Variants in ABCC4 observed in about 807,000 individuals in gnomAD.
ABCC4 encodes ATP binding cassette subfamily C member 4 (PEL blood group).
A neutral mutation model predicts 168.5 loss-of-function variants in ABCC4; 102 were observed. The observed-to-expected ratio is 0.61, with a 90% CI of 0.52 to 0.71. ABCC4 has a LOEUF of 0.71. ABCC4 is among the 30% of genes least tolerant of loss of function. ABCC4 has a pLI of 0.00. For missense variants in ABCC4, 1,402 were observed against 1,605.8 expected (o/e 0.87, Z 2.17); for synonymous variants, 617 against 590.7 (o/e 1.04, Z -0.65).
In ABCC4 at chr13:95,047,403, T is replaced by G. The variant is rs946529839; in HGVS notation, c.3457-2965A>C. On this transcript the variant is annotated intron_variant, in intron 27 of 30. Transcript: ENST00000645237. The stretch of plus-strand genomic sequence containing the variant: ...ATTTACAATAGTGCTTGGTACCAAG[T>G]AAGAGATCAATAGATAATATCTATT... Among the ~76,000 whole-genome samples, 3 of 150,840 alleles carry G rather than the reference T, an allele frequency of 2.0e-5. No individual in the cohort carries two copies. The East Asian group carries it at 5.8e-4, about 29-fold the overall frequency.
At chr13:95,276,946 G>A (rs2040986870) in intron 1 of ABCC4, among the ~76,000 whole-genome samples, 1 of 152,130 alleles carries the variant, frequency 6.6e-6, no homozygotes, top group African/African-American at 2.4e-5. Flanking sequence ...TTGAATCCGG[G>A]AGGCAAAAGT....
intron 11 of ABCC4, among the ~76,000 whole-genome samples, chr13:95,184,818 T>C (rs1004197549): frequency 1.8e-4 from 27 of 152,180 alleles, no homozygotes; most frequent in Non-Finnish European, 3.8e-4. Flanking sequence ...CGGGGCCTGG[T>C]CCATCAGCAG....
chr13:95,155,644 T>G (rs1228565914), intron 19 of ABCC4, among the ~76,000 whole-genome samples: 1 of 152,094 alleles, frequency 6.6e-6, no homozygotes, highest in Non-Finnish European at 1.5e-5. Context: ...TACACACACA[T>G]ACTCCCCACG....
intron 1 of ABCC4, among the ~76,000 whole-genome samples, chr13:95,263,119 T>A (rs954721714): frequency 5.9e-5 from 9 of 152,100 alleles, no homozygotes; most frequent in Non-Finnish European, 1.5e-5. Context: ...TAATGTGCCC[T>A]ACAGAAAAAA....
chr13:95,152,743 A>T (rs2036730803), intron 19 of ABCC4, among the ~76,000 whole-genome samples: 1 of 152,198 alleles, frequency 6.6e-6, no homozygotes. Context: ...AGGGGGAAGG[A>T]ATAAAATAAT....
At chr13:95,133,266 A>G (rs902124892) in intron 19 of ABCC4, among the ~76,000 whole-genome samples, 1 of 151,572 alleles carries the variant, frequency 6.6e-6, no homozygotes, top group African/African-American at 2.4e-5. Context: ...GGCGTGCACC[A>G]CCACACCTGG....
In ABCC4 at chr13:95,021,330, G is replaced by A. The variant is rs1196603337; in HGVS notation, c.*245C>T. The A allele has an allele frequency of 2.4e-6, 1 of 410,316 alleles. No individual in the cohort carries two copies. The allele number at this position is 410,316 out of a possible 1,614,324, so 25.4% of individuals were successfully genotyped here. ...CTTAAGGCACAAAACCTGATAGACG[G>A]CATTTAACTGGTGGCCTGCACCTCT... On this transcript the variant is annotated 3_prime_UTR_variant, in exon 31 of 31. Coordinates refer to ENST00000645237, the MANE Select transcript of ABCC4 (RefSeq NM_005845.5).
intron 11 of ABCC4, among the ~76,000 whole-genome samples, chr13:95,181,212 G>A (rs997364439): frequency 1.3e-5 from 2 of 152,234 alleles, no homozygotes; most frequent in Admixed American, 1.3e-4. Flanking sequence ...CATCTAACCA[G>A]AATCCTACCA....
intron 25 of ABCC4, among the ~76,000 whole-genome samples, chr13:95,064,199 GT>G (rs1477822070): frequency 1.4e-5 from 2 of 145,436 alleles, no homozygotes; most frequent in Admixed American, 6.9e-5. Context: ...GTAAATCCTA[GT>G]TTATACTTTA....
At position 95,040,068 on chromosome 13, in the gene ABCC4, G is replaced by A. The variant is rs555863159; in HGVS notation, c.3735+3614C>T. 2.6e-5 allele frequency among the ~76,000 whole-genome samples: 4 copies of A among 152,170 alleles called. No individual in the cohort carries two copies. In the South Asian group the frequency reaches 6.2e-4, roughly 24 times the overall value. On this transcript the variant is annotated intron_variant, in intron 29 of 30. Coordinates refer to ENST00000645237, the MANE Select transcript of ABCC4 (RefSeq NM_005845.5). ...AATGGGTGCCTGTGACTCTTCTCTG[G>A]GACAAGATACTATGGCATGTGGCAA...
At chr13:95,153,656 A>C (rs550423910) in intron 19 of ABCC4, among the ~76,000 whole-genome samples, 1 of 152,184 alleles carries the variant, frequency 6.6e-6, no homozygotes, top group Admixed American at 6.5e-5. Context: ...TTTATTGGAC[A>C]AACACAGTGC....
At chr13:95,063,701 G>C (rs185675222) in intron 25 of ABCC4, among the ~76,000 whole-genome samples, 8 of 152,326 alleles carry the variant, frequency 5.3e-5, no homozygotes, top group Admixed American at 4.6e-4. Context: ...CCAAGACAGA[G>C]AGAAATGAAG....
chr13:95,047,947 A>G (rs947668942), intron 27 of ABCC4, among the ~76,000 whole-genome samples: 3 of 152,134 alleles, frequency 2.0e-5, no homozygotes, highest in Admixed American at 1.3e-4. Flanking sequence ...ATCTCTCTTG[A>G]TGACTGCTAT....
intron 26 of ABCC4, chr13:95,054,050 TTTTTTTTTTTTTTG>T: frequency 1.9e-5 from 1 of 52,764 alleles, no homozygotes; most frequent in African/African-American, 5.7e-5. Context: ...TTTTTTTTTT[TTTTTTTTTTTTTTG>T]GCCAAAGGAG....
At chr13:95,024,196 G>A (rs1352361726) in intron 30 of ABCC4, among the ~76,000 whole-genome samples, 2 of 124,314 alleles carry the variant, frequency 1.6e-5, no homozygotes, top group Non-Finnish European at 3.2e-5. Flanking sequence ...GACAGAGTGA[G>A]AGACTGTCTC....
At chr13:95,243,193 G>A (rs976923747) in intron 3 of ABCC4, among the ~76,000 whole-genome samples, 2 of 148,194 alleles carry the variant, frequency 1.3e-5, no homozygotes, top group Admixed American at 6.6e-5. Context: ...TTAGCCTGCC[G>A]CCCTAATACC....
At chr13:95,206,415 GT>G in intron 8 of ABCC4, 116 bp downstream of exon 8, 1 of 1,380,604 alleles carries the variant, frequency 7.2e-7, no homozygotes. Context: ...ATGGCGGCAC[GT>G]TTTGGTTATG....
chr13:95,235,089 C>T (rs1479336811), intron 3 of ABCC4, among the ~76,000 whole-genome samples: 2 of 151,624 alleles, frequency 1.3e-5, no homozygotes, highest in Non-Finnish European at 2.9e-5. Context: ...CAGGGTCTCA[C>T]TATGTTGCCC....
intron 19 of ABCC4, among the ~76,000 whole-genome samples, chr13:95,131,541 A>G (rs541741643): frequency 6.6e-6 from 1 of 152,312 alleles, no homozygotes; most frequent in South Asian, 2.1e-4. Context: ...AGGCAGAAGA[A>G]TTGCCTGAAC....
Sources: allele counts gnomAD v4.1 joint callset (sites outside exome capture counted in the v4.1 genomes callset), GRCh38; gene constraint gnomAD v4.1.1; transcripts MANE v1.5; gene names NCBI Gene and HGNC (gene_info 2026-07-23, HGNC 2026-07-21).